Variants in COIL observed in about 807,000 individuals in gnomAD.
COIL encodes the protein coilin, also known as coilin p80.
In COIL, 28 loss-of-function variants were observed where a neutral mutation model predicts 51.6. The ratio of observed to expected loss-of-function variants is 0.54; its 90% CI spans 0.40 to 0.74. The LOEUF (loss-of-function observed/expected upper bound fraction) is 0.74, where lower values mean the gene tolerates loss of function less well. Among genes scored for constraint, COIL ranks in the 30% least tolerant of loss-of-function variants. The pLI, the probability that COIL is intolerant of heterozygous loss-of-function variation, is 0.00. For synonymous variants in COIL, 233 were observed against 255.8 expected, an observed-to-expected ratio of 0.91 and a Z score of 0.85; for missense variants, 667 against 685.9, an observed-to-expected ratio of 0.97 and a Z score of 0.31.
At position 56,960,965 on chromosome 17, in the gene COIL, C is replaced by T; in HGVS notation, c.55G>A (p.Ala19Thr). Residue 19 changes from alanine to threonine, a missense_variant, in exon 1 of 7, where the codon GCT becomes ACT. By Grantham distance (58) the Ala-to-Thr change is moderately conservative. Coordinates refer to ENST00000240316, the MANE Select transcript of COIL (RefSeq NM_004645.3). ...LRLQFDYPPP[A>T]TPHCTAFWLL... Reference sequence around the variant, plus strand: ...CAGAAGGCCGTACAGTGCGGGGTAGCTGGCGGCGGGTAATCAAATTGAAGC... The same window carrying T: ...CAGAAGGCCGTACAGTGCGGGGTAGTTGGCGGCGGGTAATCAAATTGAAGC... 2 of 1,614,170 alleles carry T rather than the reference C, an allele frequency of 1.2e-6. No individual in the cohort carries two copies. Among genetic ancestry groups the T allele is most frequent in the Non-Finnish European group, 1.7e-6 (2 of 1,180,022 alleles).
Position 56,949,983 on chromosome 17 carries a change from C to A in COIL, c.1259G>T (p.Gly420Val). The part of the protein sequence containing the change: ...RGMRGRGRGR[G>V]HPVSCVVNRS... ...ATTTACAACACAGGAAACAGGATGC[C>A]CTCGTCCTCGACCTCTCCCCCGCAT... Residue 420 changes from glycine to valine, a missense_variant, in exon 2 of 7, where the codon GGG becomes GTG. Physicochemically the swap from Gly to Val is moderately radical, Grantham distance 109. Transcript: ENST00000240316. 1 of 1,614,094 alleles carries A rather than the reference C, an allele frequency of 6.2e-7. No homozygotes were observed. The highest frequency in any genetic ancestry group is 8.5e-7 in the Non-Finnish European group (1 of 1,180,008).
In COIL at chr17:56,949,752, G is replaced by T. The variant is rs768328996; in HGVS notation, c.1369C>A (p.Pro457Thr). Residue 457 changes from proline to threonine, a missense_variant, in exon 3 of 7, where the codon CCC becomes ACC. Transcript: ENST00000240316. ...STIIQNPVET[P>T]KKDYSLLPLL... is the part of the protein sequence containing the mutation. ...GGTAACAGACTATAGTCCTTCTTGG[G>T]TGTCTCTACTGGATTCTGAAAAACA... 20 of 1,614,006 alleles carry T rather than the reference G, an allele frequency of 1.2e-5. No individual in the cohort carries two copies. The highest frequency in any genetic ancestry group is 1.6e-5 in the Non-Finnish European group (19 of 1,179,960).
At position 56,949,729 on chromosome 17, in the gene COIL, T is replaced by A. The variant is rs1444510217; in HGVS notation, c.1392A>T (p.Leu464Phe). ...VETPKKDYSLLPLLAAAPQVG... is the reference protein window; with the variant it reads ...VETPKKDYSLFPLLAAAPQVG... ...CTTGAGGGGCAGCTGCTAACAGTGGTAACAGACTATAGTCCTTCTTGGGTG... is the reference window on the plus strand; with the variant it reads ...CTTGAGGGGCAGCTGCTAACAGTGGAAACAGACTATAGTCCTTCTTGGGTG... The change falls in exon 3 of 7, where the codon TTA (leucine) becomes TTT (phenylalanine). Residue 464 changes from leucine (L) to phenylalanine (F), a missense_variant. Transcript: ENST00000240316. 2 of 1,614,200 alleles carry A rather than the reference T, an allele frequency of 1.2e-6. No homozygotes were observed. Among genetic ancestry groups the A allele is most frequent in the Non-Finnish European group, 1.7e-6 (2 of 1,180,008 alleles).
chr17:56,949,417 G>A lies in COIL; in HGVS notation c.1458C>T (p.Ser486=). ...KIAFKLLELT[S]SYSPDVSDYK... is the part of the protein sequence containing the mutation. ...AGTCAGAGACATCAGGAGAGTAACT[G>A]GATGTTAGCTCCAAAAGCTAAAAAA... The change falls in exon 4 of 7, where the codon TCC becomes TCT. Residue 486 remains serine (S), a synonymous_variant. Transcript: ENST00000240316. 1 of 1,602,282 alleles carries A rather than the reference G, an allele frequency of 6.2e-7. No homozygotes were observed. Among genetic ancestry groups the A allele is most frequent in the Non-Finnish European group, 8.5e-7 (1 of 1,177,554 alleles).
intron 4 of COIL, among the ~76,000 whole-genome samples, chr17:56,948,913 GT>G (rs1910302521): frequency 6.6e-6 from 1 of 151,498 alleles, no homozygotes; most frequent in African/African-American, 2.4e-5. Context: ...TTCTTTCAAA[GT>G]TTAGAATCAT....
intron 5 of COIL, among the ~76,000 whole-genome samples, chr17:56,943,511 A>G (rs150960508): frequency 6.2e-4 from 95 of 152,280 alleles, no homozygotes; most frequent in African/African-American, 2.2e-3. Flanking sequence ...TACTTCGATT[A>G]TACGTGTTGT....
Position 56,949,761 on chromosome 17 carries a change from C to G in COIL, c.1360G>C (p.Val454Leu), listed in dbSNP as rs1355690013. ...KNSSTIIQNP[V>L]ETPKKDYSLL... is the part of the protein sequence containing the mutation. ...CTATAGTCCTTCTTGGGTGTCTCTA[C>G]TGGATTCTGAAAAACAGTGTTAGTC... Residue 454 changes from valine to leucine, a missense_variant, in exon 3 of 7, where the codon GTA (valine) becomes CTA (leucine). By Grantham distance (32) the Val-to-Leu change is conservative (BLOSUM62 1). Transcript: ENST00000240316. 6.2e-7 allele frequency: 1 copy of G among 1,614,146 alleles called. No individual in the cohort carries two copies. The highest frequency in any genetic ancestry group is 8.5e-7 in the Non-Finnish European group (1 of 1,179,972).
At chr17:56,948,818 A>C (rs192292175) in intron 4 of COIL, among the ~76,000 whole-genome samples, 37 of 150,108 alleles carry the variant, frequency 2.5e-4, no homozygotes, top group African/African-American at 8.6e-4. Flanking sequence ...CTAGATCATA[A>C]CAACCAGAAG....
intron 3 of COIL, 32 bp downstream of exon 3, chr17:56,949,649 T>G (rs771370215): frequency 6.3e-7 from 1 of 1,583,660 alleles, no homozygotes; most frequent in East Asian, 2.2e-5. Flanking sequence ...GGAATGAACC[T>G]TTTTTGCTGT....
intron 1 of COIL, among the ~76,000 whole-genome samples, chr17:56,957,321 T>C (rs916918923): frequency 6.6e-6 from 1 of 150,824 alleles, no homozygotes; most frequent in East Asian, 2.0e-4. Context: ...AAAAATTAAT[T>C]AAAAAAAATT....
intron 1 of COIL, among the ~76,000 whole-genome samples, chr17:56,956,413 T>G (rs909319228): frequency 2.0e-5 from 3 of 149,612 alleles, no homozygotes; most frequent in East Asian, 2.1e-4. Flanking sequence ...TAATTTTTTT[T>G]GTTTGTTTTT....
At chr17:56,944,873 C>T (rs976116677) in intron 5 of COIL, among the ~76,000 whole-genome samples, 8 of 151,574 alleles carry the variant, frequency 5.3e-5, no homozygotes, top group Non-Finnish European at 1.2e-4. Context: ...AAAAATTAGC[C>T]GGGCATGGCG....
At chr17:56,939,295 C>A in intron 6 of COIL, 141 bp from the exon 7 acceptor site, 1 of 613,514 alleles carries the variant, frequency 1.6e-6, no homozygotes, top group African/African-American at 1.9e-5. Flanking sequence ...AGTTCAATTG[C>A]AGTATAGTAA....
intron 5 of COIL, among the ~76,000 whole-genome samples, chr17:56,944,464 T>C (rs1377390242): frequency 6.6e-6 from 1 of 150,630 alleles, no homozygotes; most frequent in African/African-American, 2.4e-5. Flanking sequence ...TGGTGGCGGG[T>C]GCCTGTAGTC....
chr17:56,950,269 C>T lies in COIL; in HGVS notation c.973G>A (p.Asp325Asn), dbSNP rs754873809. The T allele has an allele frequency of 3.1e-6, 5 of 1,614,072 alleles. No homozygotes were observed. Among genetic ancestry groups the T allele is most frequent in the Admixed American group, 3.3e-5 (2 of 60,006 alleles). ...SSSDSSAESD[D>N]QCLMSSSTPE... The stretch of plus-strand genomic sequence containing the variant: ...GTGCTCGATGACATCAAGCATTGGT[C>T]GTCTGACTCTGCACTAGAGTCTGAA... The change falls in exon 2 of 7, where the codon GAC becomes AAC. Residue 325 changes from aspartate (D) to asparagine (N), a missense_variant. Asp to Asn is a conservative substitution (Grantham distance 23, BLOSUM62 1). Transcript: ENST00000240316.
chr17:56,953,430 A>C (rs1910419631), intron 1 of COIL, among the ~76,000 whole-genome samples: 1 of 150,918 alleles, frequency 6.6e-6, no homozygotes, highest in Admixed American at 6.6e-5. Context: ...AAAAAAAAAA[A>C]ATACAAACAT....
At chr17:56,948,421 G>C (rs60276257) in intron 4 of COIL, among the ~76,000 whole-genome samples, 3,644 of 152,028 alleles carry the variant, frequency 0.024, 156 homozygotes, top group African/African-American at 0.084. Flanking sequence ...TTACAGGTGG[G>C]AGCCACCAAG....
intron 6 of COIL, 111 bp downstream of exon 6, chr17:56,941,921 TAAG>T (rs1336661115): frequency 2.4e-6 from 2 of 834,562 alleles, no homozygotes; most frequent in African/African-American, 1.7e-5. Context: ...TGCCACACCA[TAAG>T]AAGGTCAGAT....
rs774368078 is a variant in COIL at position 56,942,069 on chromosome 17, T to C, written c.1613A>G (p.Glu538Gly). The C allele has an allele frequency of 8.1e-6, 13 of 1,614,178 alleles. No individual in the cohort carries two copies. The highest frequency in any genetic ancestry group is 1.0e-5 in the Non-Finnish European group (12 of 1,180,012). ...DLVYHNENGA[E>G]VVEYAVTQES... ...CTGTGTCACAGCGTACTCCACTACC[T>C]CGGCTCCATTTTCATTGTGATAAAC... The change falls in exon 6 of 7, where the codon GAG becomes GGG. Residue 538 changes from glutamate to glycine, a missense_variant. Transcript: ENST00000240316.
Sources: gnomAD v4.1 joint callset for allele counts (sites outside exome capture counted in the v4.1 genomes callset) on GRCh38, gnomAD v4.1.1 for gene constraint, MANE v1.5 for transcripts, NCBI Gene and HGNC (gene_info 2026-07-23, HGNC 2026-07-21) for gene names.